The following GET1 variants were observed in gnomAD, a reference collection of about 807,000 sequenced individuals.
GET1 encodes guided entry of tail-anchored proteins factor 1.
GET1 carries 20 observed loss-of-function variants against 22.6 expected under a neutral mutation model. That is an observed-to-expected ratio of 0.89 (90% CI 0.62 to 1.29). The LOEUF (loss-of-function observed/expected upper bound fraction) is 1.29, where lower values mean the gene tolerates loss of function less well. Among genes scored for constraint, GET1 ranks in the 50% most tolerant of loss-of-function variants. GET1 has a pLI of 0.00. For missense variants in GET1, 209 were observed against 219.9 expected (o/e 0.95, Z 0.31); for synonymous variants, 92 against 83.8 (o/e 1.10, Z -0.53).
intron 3 of GET1, chr21:39,392,046 G>T: frequency 1.8e-6 from 1 of 544,662 alleles, no homozygotes; most frequent in Non-Finnish European, 3.2e-6. Flanking sequence ...TAAAGTTTGG[G>T]ACTTTTTGGC....
chr21:39,408,035 A>G (rs2039406959), downstream of GET1: 1 of 152,214 alleles, frequency 6.6e-6, no homozygotes, highest in African/African-American at 2.4e-5. Flanking sequence ...CATGCTGCCT[A>G]AGGGAACACA....
chr21:39,405,218 A>C (rs2038979598), intron 4 of GET1, among the ~76,000 whole-genome samples: 1 of 151,700 alleles, frequency 6.6e-6, no homozygotes, highest in Non-Finnish European at 1.5e-5. Context: ...ATTTTTTGAG[A>C]CACGGTCTCA....
chr21:39,389,325 A>G (rs1182183609), intron 1 of GET1, among the ~76,000 whole-genome samples: 2 of 151,276 alleles, frequency 1.3e-5, no homozygotes, highest in Non-Finnish European at 2.9e-5. Flanking sequence ...CCTGTCGCCC[A>G]GGCTGGAGTC....
At chr21:39,391,637 T>G in intron 2 of GET1, 132 bp from the exon 3 acceptor site, 2 of 873,720 alleles carry the variant, frequency 2.3e-6, no homozygotes, top group Non-Finnish European at 3.5e-6. Context: ...TTATATTTTC[T>G]AAATATGTTG....
At chr21:39,384,584 CTT>C (rs2037768641) in intron 1 of GET1, among the ~76,000 whole-genome samples, 3 of 143,746 alleles carry the variant, frequency 2.1e-5, no homozygotes, top group African/African-American at 5.2e-5. Context: ...TTTTTTTTAA[CTT>C]TTAAGTTCAG....
At chr21:39,398,440 C>G (rs2038754537), downstream of GET1, among the ~76,000 whole-genome samples, 1 of 152,124 alleles carries the variant, frequency 6.6e-6, no homozygotes, top group Admixed American at 6.6e-5. Context: ...TAAAGATATT[C>G]TCATTCAGTT....
intron 1 of GET1, chr21:39,425,814 C>T (rs2246078): frequency 0.23 from 34,936 of 152,056 alleles, 4,523 homozygotes; most frequent in African/African-American, 0.35. Flanking sequence ...GAGAAGGATG[C>T]GTGATGGGAT....
chr21:39,404,471 C>T (rs984824598), intron 4 of GET1, among the ~76,000 whole-genome samples: 1 of 152,144 alleles, frequency 6.6e-6, no homozygotes, highest in Non-Finnish European at 1.5e-5. Context: ...TGGCTGGGCA[C>T]GGTGGCTCAC....
At position 39,390,996 on chromosome 21, in the gene GET1, G is replaced by A. The variant is rs2038261754; in HGVS notation, c.268+133G>A. On this transcript the variant is annotated intron_variant, in intron 2 of 4. Coordinates refer to ENST00000649170, the MANE Select transcript of GET1 (RefSeq NM_004627.6). ...TTGATGGAAACTTAAGTTATCTGGA[G>A]GAAACTCAGTAATAAGTATTACTTT... 7.0e-6 allele frequency: 7 copies of A among 995,832 alleles called. No homozygotes were observed. The Admixed American group carries it at 8.4e-5, about 12-fold the overall frequency. The allele number at this position is 995,832 out of a possible 1,614,324, so 61.7% of individuals were successfully genotyped here.
chr21:39,380,376 G>A lies in GET1; in HGVS notation c.-9G>A, dbSNP rs1358023629. 2 of 1,595,046 alleles carry A rather than the reference G, an allele frequency of 1.3e-6. No individual in the cohort carries two copies. Among genetic ancestry groups the A allele is most frequent in the East Asian group, 2.3e-5 (1 of 44,070 alleles). On this transcript the variant is annotated 5_prime_UTR_variant, in exon 1 of 5. Coordinates refer to ENST00000649170, the MANE Select transcript of GET1 (RefSeq NM_004627.6). ...CGTAGCGGACCCAGCACAGCCAGGA[G>A]CGTCCGGGATGAGCTCAGCCGCGGC... is the stretch of plus-strand genomic sequence containing the variant.
At chr21:39,390,273 G>T (rs2146963343) in intron 1 of GET1, among the ~76,000 whole-genome samples, 1 of 152,204 alleles carries the variant, frequency 6.6e-6, no homozygotes, top group Non-Finnish European at 1.5e-5. Context: ...GGCTGGCTTG[G>T]ATTCCAAAGA....
chr21:39,390,684 G>C lies in GET1; in HGVS notation c.103-14G>C. The stretch of plus-strand genomic sequence containing the variant: ...GTGTTGGAAGGTGCTGATCCCCGTT[G>C]TCCGCCCTGCCAGATGTCCAGGGTG... On this transcript the variant is annotated splice_polypyrimidine_tract_variant and intron_variant, in intron 1 of 4. Transcript: ENST00000649170. The C allele has an allele frequency of 6.2e-7, 1 of 1,613,878 alleles. No individual in the cohort carries two copies. Among genetic ancestry groups the C allele is most frequent in the African/African-American group, 1.3e-5 (1 of 75,062 alleles).
rs376882781 is a variant in GET1, at chr21:39,390,843, C to T, written c.248C>T (p.Thr83Met). ...ARLERKINKM[T>M]DKLKTHVKAR... The stretch of plus-strand genomic sequence containing the variant: ...CTGGAAAGAAAGATCAACAAGATGA[C>T]GGATAAGCTCAAAACCCATGGTACT... Residue 83 changes from threonine to methionine, a missense_variant, in exon 2 of 5, where the codon ACG becomes ATG. Transcript: ENST00000649170. The T allele has an allele frequency of 2.2e-5, 35 of 1,613,900 alleles. No individual in the cohort carries two copies. The highest frequency in any genetic ancestry group is 7.7e-5 in the South Asian group (7 of 91,082).
downstream of GET1, chr21:39,407,708 C>T (rs1349215084): frequency 6.6e-6 from 1 of 152,226 alleles, no homozygotes; most frequent in Non-Finnish European, 1.5e-5. Context: ...TTTGCTTCCT[C>T]CTGTCTCCCT....
At chr21:39,422,930 T>TA (rs1390503183) in intron 1 of GET1, 4 of 1,565,194 alleles carry the variant, frequency 2.6e-6, no homozygotes, top group Non-Finnish European at 2.6e-6. Flanking sequence ...ACCCTCTCTC[T>TA]ATTAACTTTG....
intron 1 of GET1, chr21:39,422,923 C>G: frequency 6.5e-7 from 1 of 1,533,310 alleles, no homozygotes; most frequent in South Asian, 1.2e-5. Context: ...AATTCACACC[C>G]TCTCTCTATT....
At chr21:39,385,178 C>CCGCG (rs999701276) in intron 1 of GET1, among the ~76,000 whole-genome samples, 22 of 152,144 alleles carry the variant, frequency 1.4e-4, no homozygotes, top group African/African-American at 5.1e-4. Flanking sequence ...AGGGATGGGG[C>CCGCG]CGCGCTCAGG....
chr21:39,380,671 G>A (rs1192200702), intron 1 of GET1, 185 bp downstream of exon 1: 3 of 1,413,544 alleles, frequency 2.1e-6, no homozygotes, highest in Non-Finnish European at 2.8e-6. Context: ...CCCAAAATCA[G>A]ACTTTCTGGG....
At chr21:39,391,890 A>T (rs764449931) in intron 3 of GET1, 54 bp downstream of exon 3, 1 of 1,581,230 alleles carries the variant, frequency 6.3e-7, no homozygotes, top group African/African-American at 1.3e-5. Context: ...CCCGGCCTCC[A>T]GAGCCGTGTC....
Sources: allele counts gnomAD v4.1 joint callset (sites outside exome capture counted in the v4.1 genomes callset), GRCh38; gene constraint gnomAD v4.1.1; transcripts MANE v1.5; gene names NCBI Gene and HGNC (gene_info 2026-07-23, HGNC 2026-07-21).